Variants in ATP13A4 observed in about 807,000 individuals in gnomAD.
ATP13A4 encodes probable cation-transporting ATPase 13A4.
Under a neutral mutation model 142.5 loss-of-function variants are expected in ATP13A4, and 114 were observed. The observed-to-expected ratio is 0.80, with a 90% confidence interval of 0.69 to 0.93. The LOEUF is 0.93. ATP13A4 is among the 40% of genes least tolerant of loss of function. The pLI, the probability that ATP13A4 is intolerant of heterozygous loss-of-function variation, is 0.00. For missense variants in ATP13A4, 1,392 were observed against 1,454.0 expected (o/e 0.96, Z 0.69); for synonymous variants, 488 against 514.8 (o/e 0.95, Z 0.70).
rs183910261 is a variant in ATP13A4 at position 193,477,719 on chromosome 3, C to A, written c.808+6217G>T. On this transcript the variant is annotated intron_variant, in intron 8 of 29. Coordinates refer to ENST00000342695, the MANE Select transcript of ATP13A4 (RefSeq NM_032279.4). Reference sequence around the variant, plus strand: ...AAACCAGACCAAGTCCAGATGACTACTGAGTTCAGAACACAAAGATGAGCA... The same window carrying A: ...AAACCAGACCAAGTCCAGATGACTAATGAGTTCAGAACACAAAGATGAGCA... Among the ~76,000 whole-genome samples the A allele has an allele frequency of 1.7e-3, 261 of 152,144 alleles. 5 individuals carry two copies. The highest frequency in any genetic ancestry group is 0.015 in the Admixed American group (233 of 15,280).
chr3:193,413,994 C>T lies in ATP13A4; in HGVS notation c.3014+585G>A, dbSNP rs187069380. ...ATAAAAACCTGCTGTTTTTGCAGCT[C>T]AGATGGGCATCACGGTCCTACCGAT... On this transcript the variant is annotated intron_variant, in intron 26 of 29. Transcript: ENST00000342695. 5.8e-3 allele frequency among the ~76,000 whole-genome samples: 880 copies of T among 152,234 alleles called. 5 individuals are homozygous for T. The highest frequency in any genetic ancestry group is 0.031 in the Middle Eastern group (9 of 294).
At position 193,519,626 on chromosome 3, in the gene ATP13A4, A is replaced by ATTTTTTTT. The variant is rs147173408; in HGVS notation, c.61-4763_61-4756dup. ...GAATTTTCACAATTTGCAATTTGTA[A>ATTTTTTTT]TTTTTTTTTTTTTTTTTTTTTTTTT... is the stretch of plus-strand genomic sequence containing the variant. On this transcript the variant is annotated intron_variant, in intron 1 of 29. Coordinates refer to ENST00000342695, the MANE Select transcript of ATP13A4 (RefSeq NM_032279.4). 5.6e-3 allele frequency among the ~76,000 whole-genome samples: 388 copies of ATTTTTTTT among 69,026 alleles called. 19 individuals are homozygous for ATTTTTTTT. Among genetic ancestry groups the ATTTTTTTT allele is most frequent in the Non-Finnish European group, 7.3e-3 (290 of 39,888 alleles). The allele number at this position is 69,026 out of a possible 152,430, so 45.3% of individuals were successfully genotyped here. A position where few individuals can be genotyped will look rare whatever the true frequency, so the allele number is the denominator to read the frequency against.
At chr3:193,417,964 T>C (rs1715170774) in intron 25 of ATP13A4, among the ~76,000 whole-genome samples, 1 of 143,788 alleles carries the variant, frequency 7.0e-6, no homozygotes, top group Non-Finnish European at 1.5e-5. Context: ...CTACTAAAAA[T>C]ACAAAAAATT....
At chr3:193,503,673 T>C (rs372804703) in intron 2 of ATP13A4, among the ~76,000 whole-genome samples, 39 of 152,336 alleles carry the variant, frequency 2.6e-4, no homozygotes, top group African/African-American at 9.4e-4. Context: ...TAATCTCTTA[T>C]ATTCATCCTC....
At chr3:193,515,660 A>G (rs765410757) in intron 1 of ATP13A4, among the ~76,000 whole-genome samples, 14 of 152,208 alleles carry the variant, frequency 9.2e-5, no homozygotes, top group Non-Finnish European at 1.8e-4. Flanking sequence ...ACAAGACAAG[A>G]TAAGAGTCTC....
intron 29 of ATP13A4, 130 bp from the exon 30 acceptor site, chr3:193,402,994 G>T: frequency 1.2e-6 from 1 of 831,582 alleles, no homozygotes; most frequent in Non-Finnish European, 2.0e-6. Flanking sequence ...CTTGACCACT[G>T]GACCAATCTA....
intron 18 of ATP13A4, among the ~76,000 whole-genome samples, chr3:193,445,563 C>A (rs968214474): frequency 3.9e-5 from 6 of 152,044 alleles, no homozygotes; most frequent in Admixed American, 2.6e-4. Context: ...TCAAGACCAT[C>A]CTGGCCAACA....
intron 3 of ATP13A4, 30 bp downstream of exon 3, chr3:193,502,463 G>T: frequency 6.2e-7 from 1 of 1,608,664 alleles, no homozygotes. Context: ...AAATCTCTCT[G>T]ACATCAGCAG....
chr3:193,481,777 G>A (rs553034600), intron 8 of ATP13A4, among the ~76,000 whole-genome samples: 1 of 152,072 alleles, frequency 6.6e-6, no homozygotes, highest in Non-Finnish European at 1.5e-5. Flanking sequence ...TGGCATCTTT[G>A]AATCTTATTT....
rs181512242 is a variant in ATP13A4, at chr3:193,404,183, G to A, written c.3379-1319C>T. The stretch of plus-strand genomic sequence containing the variant: ...TTCTTAGAGCTGGGATAAGGCAGGA[G>A]CATCGAGTAAAGGTTTTAAAATCTT... On this transcript the variant is annotated intron_variant, in intron 29 of 29. Coordinates refer to ENST00000342695, the MANE Select transcript of ATP13A4 (RefSeq NM_032279.4). 5.2e-5 allele frequency: 51 copies of A among 983,466 alleles called. No individual in the cohort carries two copies. The African/African-American group carries it at 8.7e-4, about 17-fold the overall frequency. 60.9% of individuals were successfully genotyped at this position (983,466 alleles called of 1,614,324 possible). A position where few individuals can be genotyped will look rare whatever the true frequency, so the allele number is the denominator to read the frequency against.
chr3:193,399,061 G>A lies in ATP13A4; in HGVS notation c.*3591C>T, dbSNP rs556225657. Among the ~76,000 whole-genome samples the A allele has an allele frequency of 6.6e-6, 1 of 152,142 alleles. No homozygotes were observed. Among genetic ancestry groups the A allele is most frequent in the Non-Finnish European group, 1.5e-5 (1 of 68,030 alleles). On this transcript the variant is annotated 3_prime_UTR_variant, in exon 30 of 30. Coordinates refer to ENST00000342695, the MANE Select transcript of ATP13A4 (RefSeq NM_032279.4). ...TTTCAGTCATCACATCTGCAGGTGT[G>A]TATGTGAACATTTCCATAAGCACAT...
At position 193,474,884 on chromosome 3, in the gene ATP13A4, T is replaced by C. The variant is rs145790715; in HGVS notation, c.809-3891A>G. ...CTAGAAAAAAAGTTATTTAAACTATTCTTACAACTTTTTTGTAAGTTTTAA... is the reference window on the plus strand; with the variant it reads ...CTAGAAAAAAAGTTATTTAAACTATCCTTACAACTTTTTTGTAAGTTTTAA... On this transcript the variant is annotated intron_variant, in intron 8 of 29. Coordinates refer to ENST00000342695, the MANE Select transcript of ATP13A4 (RefSeq NM_032279.4). Among the ~76,000 whole-genome samples the C allele has an allele frequency of 2.5e-3, 388 of 152,182 alleles. 4 individuals are homozygous for C. Among genetic ancestry groups the C allele is most frequent in the African/African-American group, 9.0e-3 (371 of 41,434 alleles).
intron 13 of ATP13A4, among the ~76,000 whole-genome samples, chr3:193,462,328 T>C (rs768356405): frequency 1.3e-5 from 2 of 151,992 alleles, no homozygotes; most frequent in African/African-American, 2.4e-5. Context: ...GTTCTACAAA[T>C]GTTCCTCTTC....
intron 1 of ATP13A4, among the ~76,000 whole-genome samples, chr3:193,541,151 A>G (rs1722886094): frequency 6.7e-6 from 1 of 148,604 alleles, no homozygotes; most frequent in African/African-American, 2.5e-5. Flanking sequence ...CGGGAGGCTG[A>G]GGCAGGAGAA....
chr3:193,423,608 C>G (rs1362863495), intron 25 of ATP13A4, among the ~76,000 whole-genome samples: 2 of 149,458 alleles, frequency 1.3e-5, no homozygotes, highest in Non-Finnish European at 3.0e-5. Flanking sequence ...AATAGATAAG[C>G]ATTTAACAAT....
Position 193,493,110 on chromosome 3 carries a change from T to A in ATP13A4, c.432A>T (p.Glu144Asp). 1 of 1,613,368 alleles carries A rather than the reference T, an allele frequency of 6.2e-7. No individual in the cohort carries two copies. The highest frequency in any genetic ancestry group is 8.5e-7 in the Non-Finnish European group (1 of 1,179,640). Reference protein sequence around the residue: ...QKIRYVWNYLEGQFQKIGSLE... With the variant: ...QKIRYVWNYLDGQFQKIGSLE... Reference sequence around the variant, plus strand: ...CTTACCCAATTTTCTGGAACTGTCCTTCTAAGTAGTTCCAAACATATCTTA... The same window carrying A: ...CTTACCCAATTTTCTGGAACTGTCCATCTAAGTAGTTCCAAACATATCTTA... Residue 144 changes from glutamate to aspartate, a missense_variant, in exon 4 of 30, where the codon GAA becomes GAT. Physicochemically the swap from Glu to Asp is conservative, Grantham distance 45 (BLOSUM62 2). Transcript: ENST00000342695.
intron 13 of ATP13A4, 35 bp from the exon 14 acceptor site, chr3:193,459,266 C>T (rs747877143): frequency 1.2e-5 from 20 of 1,613,138 alleles, no homozygotes; most frequent in East Asian, 2.2e-5. Flanking sequence ...TCCATTCCAT[C>T]GCCTCATGCC....
chr3:193,505,100 A>T lies in ATP13A4; in HGVS notation c.235-2461T>A, dbSNP rs79677833. On this transcript the variant is annotated intron_variant, in intron 2 of 29. Coordinates refer to ENST00000342695, the MANE Select transcript of ATP13A4 (RefSeq NM_032279.4). ...GAATAAAACTGAGACCTGAGTCCAG[A>T]TCTTTCCATTCCAAATCTTGGTCCC... 8.0e-3 allele frequency among the ~76,000 whole-genome samples: 1,217 copies of T among 152,270 alleles called. 18 individuals carry two copies. Among genetic ancestry groups the T allele is most frequent in the African/African-American group, 0.027 (1,127 of 41,560 alleles).
chr3:193,475,758 C>T (rs144979678), intron 8 of ATP13A4, among the ~76,000 whole-genome samples: 24 of 152,106 alleles, frequency 1.6e-4, no homozygotes, highest in Admixed American at 3.9e-4. Context: ...GCATAACCAA[C>T]AGAAAACTAT....
Sources: gnomAD v4.1 joint callset for allele counts (sites outside exome capture counted in the v4.1 genomes callset) on GRCh38, gnomAD v4.1.1 for gene constraint, MANE v1.5 for transcripts, NCBI Gene and HGNC (gene_info 2026-07-23, HGNC 2026-07-21) for gene names.